DLGAP2: variants seen among roughly 807,000 people sequenced by gnomAD.
The protein encoded by DLGAP2 is disks large-associated protein 2.
In DLGAP2, 26 loss-of-function variants were observed where a neutral mutation model predicts 100.3. That is an observed-to-expected ratio of 0.26 (90% CI 0.19 to 0.36). DLGAP2 has a LOEUF of 0.36. Ranked by LOEUF, DLGAP2 falls within the 10% of genes least tolerant of loss-of-function variation. The pLI is 1.00. For synonymous variants in DLGAP2, 886 were observed against 630.1 expected, an observed-to-expected ratio of 1.41 and a Z score of -6.08; for missense variants, 1,858 against 1,453.2, an observed-to-expected ratio of 1.28 and a Z score of -4.53.
intron 2 of DLGAP2, among the ~76,000 whole-genome samples, chr8:1,133,442 A>AT (rs549163226): frequency 1.4e-3 from 210 of 152,186 alleles, no homozygotes; most frequent in African/African-American, 4.5e-3. Flanking sequence ...AAAAATATAT[A>AT]TTTTTTGCTT....
At chr8:1,607,631 G>T (rs1262784430) in intron 6 of DLGAP2, among the ~76,000 whole-genome samples, 1 of 152,246 alleles carries the variant, frequency 6.6e-6, no homozygotes, top group Admixed American at 6.5e-5. Context: ...TGAGGTACCG[G>T]GTTCATCTCA....
chr8:873,449 C>A (rs982352), intron 1 of DLGAP2, among the ~76,000 whole-genome samples: 3 of 151,906 alleles, frequency 2.0e-5, no homozygotes, highest in Non-Finnish European at 2.9e-5. Flanking sequence ...CTAAGTATGA[C>A]GTTAGTTATG....
At chr8:1,619,079 A>C (rs1486525451) in intron 6 of DLGAP2, among the ~76,000 whole-genome samples, 3 of 152,224 alleles carry the variant, frequency 2.0e-5, no homozygotes, top group Non-Finnish European at 4.4e-5. Flanking sequence ...AAGGCAAGCC[A>C]TAGAATAAGG....
At chr8:973,851 T>C (rs1325962252) in intron 2 of DLGAP2, among the ~76,000 whole-genome samples, 2 of 54,590 alleles carry the variant, frequency 3.7e-5, no homozygotes, top group African/African-American at 1.5e-4. Context: ...GGGCGGGCGG[T>C]GGCGGCTGCG....
At chr8:1,072,874 G>C (rs999098405) in intron 2 of DLGAP2, among the ~76,000 whole-genome samples, 2 of 152,208 alleles carry the variant, frequency 1.3e-5, no homozygotes, top group African/African-American at 4.8e-5. Flanking sequence ...AGTGTGCCCG[G>C]GGACCCTGTG....
At chr8:1,552,475 C>G (rs946474189) in intron 5 of DLGAP2, among the ~76,000 whole-genome samples, 1 of 152,208 alleles carries the variant, frequency 6.6e-6, no homozygotes, top group South Asian at 2.1e-4. Context: ...GCAACCTCCT[C>G]GGGCTGTTTC....
chr8:892,067 G>T (rs575172408), intron 1 of DLGAP2, among the ~76,000 whole-genome samples: 1 of 152,246 alleles, frequency 6.6e-6, no homozygotes, highest in Admixed American at 6.5e-5. Flanking sequence ...AGTGTTGGGA[G>T]GATGTGGAGG....
intron 1 of DLGAP2, among the ~76,000 whole-genome samples, chr8:804,728 C>T (rs1796235229): frequency 6.6e-6 from 1 of 152,192 alleles, no homozygotes. Context: ...CCAGCAAGGG[C>T]ACTGGTTGTC....
intron 1 of DLGAP2, among the ~76,000 whole-genome samples, chr8:817,678 C>T (rs1796507463): frequency 6.6e-6 from 1 of 152,154 alleles, no homozygotes; most frequent in African/African-American, 2.4e-5. Context: ...GGTGTTCTCC[C>T]CCTTCCCTTA....
intron 2 of DLGAP2, among the ~76,000 whole-genome samples, chr8:1,129,589 C>G (rs1021167759): frequency 2.0e-5 from 3 of 152,154 alleles, no homozygotes; most frequent in African/African-American, 4.8e-5. Context: ...TCCCACGAGC[C>G]TTGCGGGAAG....
At chr8:755,905 G>A (rs1451783214) in intron 1 of DLGAP2, among the ~76,000 whole-genome samples, 1 of 152,210 alleles carries the variant, frequency 6.6e-6, no homozygotes, top group Non-Finnish European at 1.5e-5. Flanking sequence ...AAGGAGGCGG[G>A]TGGAGAGTGT....
chr8:1,301,954 A>G (rs1198430864), intron 3 of DLGAP2: 1 of 152,300 alleles, frequency 6.6e-6, no homozygotes, highest in African/African-American at 2.4e-5. Flanking sequence ...GGAGAGTAGT[A>G]TGCACGGCCA....
intron 6 of DLGAP2, among the ~76,000 whole-genome samples, chr8:1,595,598 C>T (rs1257077865): frequency 3.1e-4 from 46 of 146,806 alleles, no homozygotes; most frequent in Non-Finnish European, 5.2e-4. Flanking sequence ...ACCCGGGAAG[C>T]GGAGCTTGCA....
At chr8:740,325 T>TC (rs1194233297) in intron 1 of DLGAP2, 1 of 152,240 alleles carries the variant, frequency 6.6e-6, no homozygotes, top group Non-Finnish European at 1.5e-5. Flanking sequence ...CTTATGATTG[T>TC]CCAAAGTGGT....
At chr8:1,148,483 T>G (rs1796644212) in intron 2 of DLGAP2, among the ~76,000 whole-genome samples, 2 of 152,138 alleles carry the variant, frequency 1.3e-5, no homozygotes, top group Non-Finnish European at 2.9e-5. Flanking sequence ...GTTTCTTCAT[T>G]TGGATTTAAT....
intron 1 of DLGAP2, among the ~76,000 whole-genome samples, chr8:862,011 T>C (rs561108419): frequency 6.6e-6 from 1 of 152,356 alleles, no homozygotes; most frequent in Admixed American, 6.5e-5. Context: ...TAAATTTCTT[T>C]TGAAAGAAAT....
At chr8:823,310 CATTATTATTATTATTATT>C (rs5888817) in intron 1 of DLGAP2, among the ~76,000 whole-genome samples, 1 of 148,438 alleles carries the variant, frequency 6.7e-6, no homozygotes. Context: ...AGCTTGAATT[CATTATTATTATTATTATT>C]ATTATTATTA....
At chr8:1,422,881 G>A (rs927807424) in intron 3 of DLGAP2, among the ~76,000 whole-genome samples, 1 of 152,268 alleles carries the variant, frequency 6.6e-6, no homozygotes. Flanking sequence ...GAATCAAGCG[G>A]TGTGAGGCCT....
chr8:1,106,826 G>A (rs558890450), intron 2 of DLGAP2, among the ~76,000 whole-genome samples: 1 of 152,270 alleles, frequency 6.6e-6, no homozygotes, highest in South Asian at 2.1e-4. Context: ...TCACTTACTT[G>A]TGAGTGACAC....
Sources: allele counts gnomAD v4.1 joint callset (sites outside exome capture counted in the v4.1 genomes callset), GRCh38; gene constraint gnomAD v4.1.1; transcripts MANE v1.5; gene names NCBI Gene and HGNC (gene_info 2026-07-23, HGNC 2026-07-21).